The following SMYD3 variants were observed in gnomAD, a reference collection of about 807,000 sequenced individuals.
SMYD3 encodes the protein histone-lysine N-methyltransferase SMYD3.
SMYD3 carries 36 observed loss-of-function variants against 57.7 expected under a neutral mutation model. That is an observed-to-expected ratio of 0.62 (90% CI 0.48 to 0.82). The LOEUF (loss-of-function observed/expected upper bound fraction) is 0.82. Ranked by LOEUF, SMYD3 falls within the 40% of genes least tolerant of loss-of-function variation. The pLI is 0.00. For missense variants in SMYD3, 515 were observed against 538.8 expected, an observed-to-expected ratio of 0.96 and a Z score of 0.44; for synonymous variants, 211 against 195.0, an observed-to-expected ratio of 1.08 and a Z score of -0.68.
intron 5 of SMYD3, among the ~76,000 whole-genome samples, chr1:246,227,821 C>A (rs2063351102): frequency 6.6e-6 from 1 of 152,074 alleles, no homozygotes; most frequent in Non-Finnish European, 1.5e-5. Flanking sequence ...TTAGTTTACA[C>A]ATAAGTATTC....
At chr1:246,071,002 TGAG>T (rs1169585482) in intron 5 of SMYD3, among the ~76,000 whole-genome samples, 1 of 152,198 alleles carries the variant, frequency 6.6e-6, no homozygotes. Context: ...TCCAAAACAA[TGAG>T]GCTTTACTGG....
chr1:246,225,856 G>A (rs550831175), intron 5 of SMYD3, among the ~76,000 whole-genome samples: 55 of 152,150 alleles, frequency 3.6e-4, no homozygotes, highest in African/African-American at 1.2e-3. Flanking sequence ...AGTAGCATTC[G>A]GTAAATATTA....
intron 11 of SMYD3, among the ~76,000 whole-genome samples, chr1:245,751,845 C>T (rs2045393819): frequency 6.6e-6 from 1 of 152,216 alleles, no homozygotes; most frequent in Non-Finnish European, 1.5e-5. Flanking sequence ...ACAGCATCTG[C>T]CAGCAAATCC....
intron 5 of SMYD3, among the ~76,000 whole-genome samples, chr1:246,292,188 C>T (rs879925614): frequency 4.1e-5 from 6 of 147,810 alleles, no homozygotes; most frequent in Admixed American, 1.3e-4. Context: ...TACTATCCAA[C>T]ACACCAGCAT....
intron 5 of SMYD3, among the ~76,000 whole-genome samples, chr1:245,968,853 C>T (rs1427866145): frequency 1.3e-5 from 2 of 152,116 alleles, no homozygotes; most frequent in African/African-American, 2.4e-5. Context: ...TCTCCTGTGC[C>T]GTTCATCAGT....
intron 10 of SMYD3, among the ~76,000 whole-genome samples, chr1:245,813,521 C>T (rs1040869915): frequency 1.3e-5 from 2 of 152,080 alleles, no homozygotes; most frequent in African/African-American, 4.8e-5. Flanking sequence ...CACCTAAGGG[C>T]ATTGAGAAAG....
At chr1:246,220,353 C>T (rs1024016530) in intron 5 of SMYD3, among the ~76,000 whole-genome samples, 3 of 150,066 alleles carry the variant, frequency 2.0e-5, no homozygotes, top group Non-Finnish European at 4.4e-5. Flanking sequence ...AGCTGCAGAC[C>T]CAGGCACCTG....
intron 11 of SMYD3, among the ~76,000 whole-genome samples, chr1:245,757,962 A>C (rs1444986744): frequency 6.6e-6 from 1 of 152,154 alleles, no homozygotes; most frequent in Non-Finnish European, 1.5e-5. Flanking sequence ...TCTTCCCCAA[A>C]AAAGCCATTG....
chr1:246,442,726 A>T (rs1027825827), intron 1 of SMYD3, among the ~76,000 whole-genome samples: 3 of 152,174 alleles, frequency 2.0e-5, no homozygotes, highest in African/African-American at 4.8e-5. Flanking sequence ...CAGTATTGAA[A>T]TAGGCCAGAG....
chr1:245,984,488 G>A (rs1216090436), intron 5 of SMYD3, among the ~76,000 whole-genome samples: 1 of 152,206 alleles, frequency 6.6e-6, no homozygotes, highest in African/African-American at 2.4e-5. Context: ...GGATCCCACT[G>A]TTCCTCTTCA....
At chr1:246,349,688 G>A (rs2148696593) in intron 2 of SMYD3, among the ~76,000 whole-genome samples, 1 of 152,270 alleles carries the variant, frequency 6.6e-6, no homozygotes, top group African/African-American at 2.4e-5. Context: ...CCTGTAAAGT[G>A]GTAAAGTGTT....
chr1:245,848,106 T>TTC (rs894362659), intron 10 of SMYD3, among the ~76,000 whole-genome samples: 2 of 150,100 alleles, frequency 1.3e-5, no homozygotes, highest in African/African-American at 5.0e-5. Flanking sequence ...ATAAAGTCTT[T>TTC]TTTTTTTTTT....
intron 5 of SMYD3, among the ~76,000 whole-genome samples, chr1:245,938,162 C>T (rs1413472540): frequency 2.0e-5 from 3 of 152,212 alleles, no homozygotes; most frequent in Non-Finnish European, 4.4e-5. Flanking sequence ...GTTTGCCATA[C>T]CGATGATGCC....
chr1:245,754,924 C>A (rs538020879), intron 11 of SMYD3, among the ~76,000 whole-genome samples: 1 of 152,278 alleles, frequency 6.6e-6, no homozygotes, highest in South Asian at 2.1e-4. Context: ...GAAGGAGGAA[C>A]CAGGTGGCCC....
chr1:245,765,045 T>C (rs1318582645), intron 10 of SMYD3, among the ~76,000 whole-genome samples: 1 of 134,826 alleles, frequency 7.4e-6, no homozygotes, highest in Non-Finnish European at 1.6e-5. Context: ...TGGAAATGCC[T>C]ACACACACAC....
intron 5 of SMYD3, among the ~76,000 whole-genome samples, chr1:246,093,761 T>C (rs967677877): frequency 1.3e-5 from 2 of 151,424 alleles, no homozygotes; most frequent in South Asian, 2.1e-4. Flanking sequence ...TTTCAGTTTA[T>C]TTTTTTTTAA....
intron 7 of SMYD3, among the ~76,000 whole-genome samples, chr1:245,926,363 G>A (rs1393697197): frequency 2.0e-5 from 3 of 152,162 alleles, no homozygotes; most frequent in Non-Finnish European, 4.4e-5. Context: ...CCTACAAAAT[G>A]GAATGGAGAA....
chr1:246,485,448 C>A (rs959591366), intron 1 of SMYD3, among the ~76,000 whole-genome samples: 1 of 152,104 alleles, frequency 6.6e-6, no homozygotes, highest in Admixed American at 6.6e-5. Flanking sequence ...TTACTGTTGA[C>A]ATGTGAAAAG....
intron 5 of SMYD3, among the ~76,000 whole-genome samples, chr1:246,273,241 C>G (rs550433032): frequency 6.6e-6 from 1 of 151,270 alleles, no homozygotes; most frequent in South Asian, 2.1e-4. Context: ...CCTCCGCCTC[C>G]CGGGTTCAAG....
Sources: gnomAD v4.1 joint callset for allele counts (sites outside exome capture counted in the v4.1 genomes callset) on GRCh38, gnomAD v4.1.1 for gene constraint, MANE v1.5 for transcripts, NCBI Gene and HGNC (gene_info 2026-07-23, HGNC 2026-07-21) for gene names.